Variants in FGF10 observed in about 807,000 individuals in gnomAD.
The protein encoded by FGF10 is FGF-10.
FGF10 carries 2 observed loss-of-function variants against 19.8 expected under a neutral mutation model. That is an observed-to-expected ratio of 0.10 (90% CI 0.04 to 0.32). The LOEUF is 0.32. Ranked by LOEUF, FGF10 falls within the 10% of genes least tolerant of loss-of-function variation. The pLI is 1.00. For synonymous variants in FGF10, 112 were observed against 94.0 expected, an observed-to-expected ratio of 1.19 and a Z score of -1.10; for missense variants, 191 against 246.3, an observed-to-expected ratio of 0.78 and a Z score of 1.50.
At chr5:44,306,373 G>C (rs1218510436) in intron 2 of FGF10, among the ~76,000 whole-genome samples, 1 of 152,152 alleles carries the variant, frequency 6.6e-6, no homozygotes, top group East Asian at 1.9e-4. Context: ...CTGCAGCCTG[G>C]GCAACAGAAC....
At chr5:44,351,685 C>G (rs910875856) in intron 1 of FGF10, among the ~76,000 whole-genome samples, 2 of 151,596 alleles carry the variant, frequency 1.3e-5, no homozygotes, top group African/African-American at 4.8e-5. Context: ...TGACTACTTT[C>G]TATACTAACA....
Position 44,302,600 on chromosome 5 carries a change from T to C in FGF10, c.*2395A>G, listed in dbSNP as rs1368318093. Reference sequence around the variant, plus strand: ...TCAGGCCTGTCTAGAACTCCTGGACTCAAGCCATCTTCCCACAGTCTCCCA... The same window carrying C: ...TCAGGCCTGTCTAGAACTCCTGGACCCAAGCCATCTTCCCACAGTCTCCCA... On this transcript the variant is annotated 3_prime_UTR_variant, in exon 3 of 3. Coordinates refer to ENST00000264664, the MANE Select transcript of FGF10 (RefSeq NM_004465.2). 6.6e-6 allele frequency among the ~76,000 whole-genome samples: 1 copy of C among 152,102 alleles called. No individual in the cohort carries two copies. The highest frequency in any genetic ancestry group is 1.5e-5 in the Non-Finnish European group (1 of 68,022).
In FGF10 at chr5:44,303,989, C is replaced by T. The variant is rs887385352; in HGVS notation, c.*1006G>A. On this transcript the variant is annotated 3_prime_UTR_variant, in exon 3 of 3. Transcript: ENST00000264664. ...TTAATTTTCCTTTTTTTAGTATATT[C>T]TTGGAGGCAAACTGATGTATTGAAA... 1 of 152,022 alleles carries T rather than the reference C, an allele frequency of 6.6e-6. No individual in the cohort carries two copies. Among genetic ancestry groups the T allele is most frequent in the Non-Finnish European group, 1.5e-5 (1 of 68,008 alleles). The allele number at this position is 152,022 out of a possible 1,614,324, so 9.4% of individuals were successfully genotyped here. A position where few individuals can be genotyped will look rare whatever the true frequency, so the allele number is the denominator to read the frequency against.
intron 1 of FGF10, among the ~76,000 whole-genome samples, chr5:44,376,582 G>T (rs1741872777): frequency 6.9e-6 from 1 of 144,980 alleles, no homozygotes; most frequent in Admixed American, 7.2e-5. Context: ...GGATTTGCTG[G>T]AAATTACAAA....
At chr5:44,341,506 A>G (rs577326581) in intron 1 of FGF10, among the ~76,000 whole-genome samples, 21 of 151,788 alleles carry the variant, frequency 1.4e-4, no homozygotes, top group South Asian at 8.3e-4. Context: ...AAAAAAAAAC[A>G]TAAACCTGAT....
chr5:44,347,850 A>T (rs1047473586), intron 1 of FGF10, among the ~76,000 whole-genome samples: 7 of 151,696 alleles, frequency 4.6e-5, no homozygotes, highest in Non-Finnish European at 8.8e-5. Flanking sequence ...CCTATAGAAA[A>T]ACTATTATTT....
rs886060654 is a variant in FGF10, at chr5:44,388,497, G to C, written c.186C>G (p.Ser62Arg). The change falls in exon 1 of 3, where the codon AGC becomes AGG. Residue 62 changes from serine to arginine, a missense_variant. By Grantham distance (110) the Ser-to-Arg change is moderately radical (BLOSUM62 -1). Coordinates refer to ENST00000264664, the MANE Select transcript of FGF10 (RefSeq NM_004465.2). ...TGTAGCTCCGCACATGCCTTCCCGC[G>C]CTGGAAGGAGAGGAGAAGGAGGAGG... ...SSSSSFSSPS[S>R]AGRHVRSYNH... 2 of 1,614,140 alleles carry C rather than the reference G, an allele frequency of 1.2e-6. No individual in the cohort carries two copies. The highest frequency in any genetic ancestry group is 1.1e-5 in the South Asian group (1 of 91,078).
intron 1 of FGF10, among the ~76,000 whole-genome samples, chr5:44,357,272 C>T (rs1741370816): frequency 6.6e-6 from 1 of 151,436 alleles, no homozygotes; most frequent in Non-Finnish European, 1.5e-5. Context: ...GAGGAGGAAT[C>T]TTAAACCCTG....
chr5:44,323,590 A>G (rs894876207), intron 1 of FGF10, among the ~76,000 whole-genome samples: 1 of 152,124 alleles, frequency 6.6e-6, no homozygotes, highest in African/African-American at 2.4e-5. Flanking sequence ...TGTTTTTTGT[A>G]ATTAAATGTG....
intron 1 of FGF10, among the ~76,000 whole-genome samples, chr5:44,382,599 G>A (rs143131329): frequency 0.014 from 2,204 of 152,176 alleles, 30 homozygotes; most frequent in Non-Finnish European, 0.023. Context: ...ACAAAATAAT[G>A]TTTTAAATCT....
At chr5:44,348,160 C>T (rs1212916218) in intron 1 of FGF10, among the ~76,000 whole-genome samples, 1 of 151,638 alleles carries the variant, frequency 6.6e-6, no homozygotes, top group Non-Finnish European at 1.5e-5. Context: ...CACAAGTAGA[C>T]TTGCAACTTT....
intron 1 of FGF10, among the ~76,000 whole-genome samples, chr5:44,370,234 T>C (rs2111882422): frequency 6.6e-6 from 1 of 152,228 alleles, no homozygotes; most frequent in South Asian, 2.1e-4. Flanking sequence ...AAGAATCTTC[T>C]TATAAAGAGA....
At chr5:44,347,373 C>T (rs368609527) in intron 1 of FGF10, among the ~76,000 whole-genome samples, 5 of 151,808 alleles carry the variant, frequency 3.3e-5, no homozygotes, top group South Asian at 4.2e-4. Flanking sequence ...TGAAGAAATG[C>T]GAGCAACCCT....
chr5:44,339,507 G>T lies in FGF10; in HGVS notation c.326-28977C>A, dbSNP rs77502142. Among the ~76,000 whole-genome samples the T allele has an allele frequency of 5.0e-3, 755 of 152,248 alleles. 4 individuals are homozygous for T. Among genetic ancestry groups the T allele is most frequent in the African/African-American group, 0.017 (704 of 41,550 alleles). Reference sequence around the variant, plus strand: ...CTTTATATAAGTGGGCTTTGTTCTGGTATAGCAAGACAATTTTCCTTGCGT... The same window carrying T: ...CTTTATATAAGTGGGCTTTGTTCTGTTATAGCAAGACAATTTTCCTTGCGT... On this transcript the variant is annotated intron_variant, in intron 1 of 2. Coordinates refer to ENST00000264664, the MANE Select transcript of FGF10 (RefSeq NM_004465.2).
intron 1 of FGF10, among the ~76,000 whole-genome samples, chr5:44,340,825 T>C (rs2166831): frequency 0.98 from 143,424 of 146,134 alleles, 70,442 homozygotes; most frequent in East Asian, 1. Flanking sequence ...TGTCCTTTGC[T>C]CAAAAGAAAA....
At position 44,388,602 on chromosome 5, in the gene FGF10, C is replaced by T. The variant is rs1381282549; in HGVS notation, c.81G>A (p.Leu27=). 4 of 1,613,942 alleles carry T rather than the reference C, an allele frequency of 2.5e-6. No homozygotes were observed. Among genetic ancestry groups the T allele is most frequent in the Middle Eastern group, 3.3e-4 (2 of 6,082 alleles). The part of the protein sequence containing the change: ...PGCCCCCFLL[L]FLVSSVPVTC... ...TGACAGGGACGGAAGACACCAAGAA[C>T]AGCAACAAAAAGCAGCAGCAGCAGC... The change falls in exon 1 of 3, where the codon CTG becomes CTA. Residue 27 remains leucine (L), a synonymous_variant. Coordinates refer to ENST00000264664, the MANE Select transcript of FGF10 (RefSeq NM_004465.2).
At chr5:44,367,864 A>G (rs1429356005) in intron 1 of FGF10, among the ~76,000 whole-genome samples, 1 of 149,280 alleles carries the variant, frequency 6.7e-6, no homozygotes, top group Non-Finnish European at 1.5e-5. Context: ...TTTTAAGTCT[A>G]TCTGTTTTTT....
chr5:44,380,208 CT>C (rs1320704277), intron 1 of FGF10, among the ~76,000 whole-genome samples: 8 of 152,114 alleles, frequency 5.3e-5, no homozygotes, highest in Non-Finnish European at 1.0e-4. Flanking sequence ...ATTAATTCTT[CT>C]TTTAATAATT....
At chr5:44,343,870 G>A (rs1168792863) in intron 1 of FGF10, among the ~76,000 whole-genome samples, 1 of 151,886 alleles carries the variant, frequency 6.6e-6, no homozygotes. Context: ...AGTATACAAA[G>A]TGAGTCAATT....
Sources: allele counts gnomAD v4.1 joint callset (sites outside exome capture counted in the v4.1 genomes callset), GRCh38; gene constraint gnomAD v4.1.1; transcripts MANE v1.5; gene names NCBI Gene and HGNC (gene_info 2026-07-23, HGNC 2026-07-21).